CTIF: variants seen among roughly 807,000 people sequenced by gnomAD.
CTIF encodes CBP80/20-dependent translation initiation factor.
A neutral mutation model predicts 66.0 loss-of-function variants in CTIF; 21 were observed. The ratio of observed to expected loss-of-function variants is 0.32; its 90% CI spans 0.23 to 0.46. CTIF has a LOEUF of 0.46. Among genes scored for constraint, CTIF ranks in the 20% least tolerant of loss-of-function variants. The probability of loss-of-function intolerance (pLI) is 1.00; values close to 1 mark genes in which losing one functional copy is unlikely to be tolerated. For synonymous variants in CTIF, 345 were observed against 326.4 expected, an observed-to-expected ratio of 1.06 and a Z score of -0.62; for missense variants, 739 against 812.7, an observed-to-expected ratio of 0.91 and a Z score of 1.10.
intron 1 of CTIF, among the ~76,000 whole-genome samples, chr18:48,575,479 T>C (rs998722): frequency 0.04 from 6,166 of 152,318 alleles, 417 homozygotes; most frequent in African/African-American, 0.14. Flanking sequence ...GATTTTCTTT[T>C]GCCTTCAGGG....
At chr18:48,785,724 C>T (rs1048494436) in intron 9 of CTIF, among the ~76,000 whole-genome samples, 3 of 152,158 alleles carry the variant, frequency 2.0e-5, no homozygotes, top group African/African-American at 7.2e-5. Context: ...CTTTGGTAAA[C>T]AGTATCAACA....
intron 10 of CTIF, among the ~76,000 whole-genome samples, chr18:48,830,829 C>A (rs2068676881): frequency 6.7e-6 from 1 of 149,176 alleles, no homozygotes. Context: ...TTGGAGTTTT[C>A]TTTGTTAATC....
intron 9 of CTIF, among the ~76,000 whole-genome samples, chr18:48,766,493 T>C (rs1909552752): frequency 6.6e-6 from 1 of 152,208 alleles, no homozygotes; most frequent in Non-Finnish European, 1.5e-5. Flanking sequence ...AGCCTCGCTA[T>C]GCATGAGAAT....
chr18:48,627,791 G>A (rs1321387805), intron 2 of CTIF, among the ~76,000 whole-genome samples: 1 of 147,662 alleles, frequency 6.8e-6, no homozygotes, highest in African/African-American at 2.5e-5. Flanking sequence ...TGGGGAGGAA[G>A]GAAGGGAGGG....
At chr18:48,818,118 T>C (rs28753946) in intron 10 of CTIF, among the ~76,000 whole-genome samples, 73,757 of 152,200 alleles carry the variant, frequency 0.48, 19,181 homozygotes, top group African/African-American at 0.68. Context: ...AGCAGGAATT[T>C]AGCAGGTGGT....
intron 1 of CTIF, chr18:48,565,307 C>T (rs1479839543): frequency 2.0e-5 from 3 of 152,130 alleles, no homozygotes; most frequent in Non-Finnish European, 4.4e-5. Context: ...CTGTCAAGGG[C>T]CTTGCCTTCC....
chr18:48,848,363 C>T (rs1410220645), intron 10 of CTIF, among the ~76,000 whole-genome samples: 1 of 152,192 alleles, frequency 6.6e-6, no homozygotes, highest in African/African-American at 2.4e-5. Flanking sequence ...CACTTTGGCT[C>T]CCTCATGGCT....
intron 3 of CTIF, among the ~76,000 whole-genome samples, chr18:48,655,215 G>T (rs1375429042): frequency 1.3e-5 from 2 of 148,902 alleles, no homozygotes; most frequent in Non-Finnish European, 3.0e-5. Context: ...TGAGGCAAGA[G>T]AATCGCTTGA....
At chr18:48,624,529 A>G (rs1488047349) in intron 2 of CTIF, among the ~76,000 whole-genome samples, 2 of 152,174 alleles carry the variant, frequency 1.3e-5, no homozygotes, top group Non-Finnish European at 2.9e-5. Flanking sequence ...GTAAGTGGGG[A>G]AAATTTTGGC....
chr18:48,631,616 C>T (rs930954932), intron 2 of CTIF, among the ~76,000 whole-genome samples: 2 of 152,142 alleles, frequency 1.3e-5, no homozygotes, highest in Non-Finnish European at 2.9e-5. Flanking sequence ...GAACAAACAC[C>T]TGTACTCTCA....
intron 4 of CTIF, among the ~76,000 whole-genome samples, chr18:48,664,238 T>C (rs1443501112): frequency 6.6e-6 from 1 of 152,164 alleles, no homozygotes; most frequent in Non-Finnish European, 1.5e-5. Context: ...AGGCCCACAC[T>C]TGTTTCATAA....
intron 7 of CTIF, among the ~76,000 whole-genome samples, chr18:48,739,463 C>T (rs571833910): frequency 2.0e-5 from 3 of 152,282 alleles, no homozygotes; most frequent in Non-Finnish European, 2.9e-5. Flanking sequence ...TGTGGTGGGA[C>T]GCGCCACAGT....
intron 6 of CTIF, among the ~76,000 whole-genome samples, chr18:48,676,604 T>C (rs2091633687): frequency 6.6e-6 from 1 of 152,060 alleles, no homozygotes; most frequent in Non-Finnish European, 1.5e-5. Flanking sequence ...CACACAACAG[T>C]GGACGCCACC....
Position 48,663,783 on chromosome 18 carries a change from T to C in CTIF, c.284T>C (p.Leu95Pro), listed in dbSNP as rs775746916. The C allele has an allele frequency of 6.2e-7, 1 of 1,614,140 alleles. No individual in the cohort carries two copies. Among genetic ancestry groups the C allele is most frequent in the Non-Finnish European group, 8.5e-7 (1 of 1,180,004 alleles). Reference protein sequence around the residue: ...NGSKDNSLDMLGTDIWAANTF... With the variant: ...NGSKDNSLDMPGTDIWAANTF... ...AGCAAAGACAACTCTCTGGACATGC[T>C]GGGCACGGACATCTGGGCGGCCAAC... is the stretch of plus-strand genomic sequence containing the variant. The change falls in exon 4 of 12, where the codon CTG (leucine) becomes CCG (proline). Residue 95 changes from leucine (L) to proline (P), a missense_variant. Transcript: ENST00000256413.
At chr18:48,541,852 C>T (rs2088628791) in intron 1 of CTIF, among the ~76,000 whole-genome samples, 1 of 151,952 alleles carries the variant, frequency 6.6e-6, no homozygotes, top group African/African-American at 2.4e-5. Context: ...CCTCCCCCGC[C>T]AGATATCATA....
chr18:48,811,165 T>C (rs1347183508), intron 9 of CTIF, among the ~76,000 whole-genome samples: 1 of 152,158 alleles, frequency 6.6e-6, no homozygotes, highest in African/African-American at 2.4e-5. Context: ...ACTACTACTA[T>C]AAAATTCTTA....
chr18:48,619,587 T>A lies in CTIF; in HGVS notation c.22T>A (p.Ser8Thr), dbSNP rs776764770. The A allele has an allele frequency of 1.3e-6, 2 of 1,586,632 alleles. No homozygotes were observed. Among genetic ancestry groups the A allele is most frequent in the South Asian group, 2.3e-5 (2 of 85,820 alleles). ...AGGGATGGAAAACTCCTCTGCAGCA[T>A]CAGCCTCCTCGGAGGCAGGGAGCAG... MENSSAA[S>T]ASSEAGSSRS... The change falls in exon 2 of 12, where the codon TCA becomes ACA. Residue 8 changes from serine (S) to threonine (T), a missense_variant. This residue lies in a region of CTIF where 529 missense variants were observed against 520.3 expected (regional missense o/e 1.02). Coordinates refer to ENST00000256413, the MANE Select transcript of CTIF (RefSeq NM_014772.3).
In CTIF at chr18:48,663,803, G is replaced by A. The variant is rs1485712975; in HGVS notation, c.304G>A (p.Ala102Thr). Residue 102 changes from alanine to threonine, a missense_variant, in exon 4 of 12, where the codon GCC (alanine) becomes ACC (threonine). Coordinates refer to ENST00000256413, the MANE Select transcript of CTIF (RefSeq NM_014772.3). ...CATGCTGGGCACGGACATCTGGGCG[G>A]CCAACACCTTCGATTCCTTCAGGTA... ...LDMLGTDIWA[A>T]NTFDSFSGAT... is the part of the protein sequence containing the mutation. 5.6e-6 allele frequency: 9 copies of A among 1,614,138 alleles called. No homozygotes were observed. The highest frequency in any genetic ancestry group is 7.6e-6 in the Non-Finnish European group (9 of 1,179,988).
At chr18:48,676,729 G>A (rs948556128) in intron 6 of CTIF, among the ~76,000 whole-genome samples, 1 of 151,916 alleles carries the variant, frequency 6.6e-6, no homozygotes, top group Non-Finnish European at 1.5e-5. Context: ...CTGTGTCCAA[G>A]TCCAGCCTTC....
Sources: gnomAD v4.1 joint callset for allele counts (sites outside exome capture counted in the v4.1 genomes callset) on GRCh38, gnomAD v4.1.1 for gene constraint, gnomAD v4.1.1 regional missense constraint, MANE v1.5 for transcripts, NCBI Gene and HGNC (gene_info 2026-07-23, HGNC 2026-07-21) for gene names.